Variants in CTNND2 observed in about 807,000 individuals in gnomAD.
CTNND2 encodes catenin delta-2.
CTNND2 carries 22 observed loss-of-function variants against 144.4 expected under a neutral mutation model. The ratio of observed to expected loss-of-function variants is 0.15; its 90% CI spans 0.11 to 0.22. CTNND2 has a LOEUF of 0.22. CTNND2 is among the 10% of genes least tolerant of loss of function. The probability of loss-of-function intolerance (pLI) is 1.00; values close to 1 mark genes in which losing one functional copy is unlikely to be tolerated. For synonymous variants in CTNND2, 751 were observed against 695.6 expected, an observed-to-expected ratio of 1.08 and a Z score of -1.25; for missense variants, 1,353 against 1,618.8, an observed-to-expected ratio of 0.84 and a Z score of 2.82.
At chr5:11,143,829 G>C (rs1756976973) in intron 12 of CTNND2, among the ~76,000 whole-genome samples, 1 of 152,248 alleles carries the variant, frequency 6.6e-6, no homozygotes, top group Non-Finnish European at 1.5e-5. Flanking sequence ...CAGGACCAGG[G>C]ACTGTGGGAG....
At chr5:11,296,713 C>T (rs1749059498) in intron 9 of CTNND2, among the ~76,000 whole-genome samples, 1 of 152,154 alleles carries the variant, frequency 6.6e-6, no homozygotes, top group African/African-American at 2.4e-5. Context: ...AACCATCATT[C>T]TCAGCAAACT....
intron 10 of CTNND2, among the ~76,000 whole-genome samples, chr5:11,233,392 G>A (rs1741261528): frequency 6.6e-6 from 1 of 152,206 alleles, no homozygotes; most frequent in South Asian, 2.1e-4. Flanking sequence ...TCTGCATATA[G>A]AAGATGTAGT....
At chr5:11,206,925 C>T (rs1738106101) in intron 10 of CTNND2, among the ~76,000 whole-genome samples, 1 of 152,170 alleles carries the variant, frequency 6.6e-6, no homozygotes, top group Non-Finnish European at 1.5e-5. Flanking sequence ...TGACTACTAT[C>T]CTATCTCTGC....
chr5:11,482,297 T>C (rs1768352157), intron 3 of CTNND2, among the ~76,000 whole-genome samples: 1 of 152,136 alleles, frequency 6.6e-6, no homozygotes, highest in Non-Finnish European at 1.5e-5. Context: ...ATCTGGATAG[T>C]GAGGTCTCCT....
At chr5:11,311,212 G>A (rs1375740486) in intron 9 of CTNND2, among the ~76,000 whole-genome samples, 1 of 131,050 alleles carries the variant, frequency 7.6e-6, no homozygotes, top group Non-Finnish European at 1.6e-5. Flanking sequence ...CACCCCACAT[G>A]CCCTCACACT....
intron 9 of CTNND2, among the ~76,000 whole-genome samples, chr5:11,307,285 C>G (rs754657376): frequency 2.0e-5 from 3 of 149,518 alleles, no homozygotes; most frequent in Admixed American, 1.3e-4. Context: ...AGATAATATC[C>G]AAACCACAAA....
chr5:11,506,068 G>A (rs1042943725), intron 3 of CTNND2, among the ~76,000 whole-genome samples: 12 of 152,028 alleles, frequency 7.9e-5, no homozygotes, highest in African/African-American at 2.4e-4. Flanking sequence ...GTCACAGCTC[G>A]GGACACTGCA....
At chr5:11,243,540 C>A (rs939764262) in intron 9 of CTNND2, among the ~76,000 whole-genome samples, 1 of 152,208 alleles carries the variant, frequency 6.6e-6, no homozygotes, top group African/African-American at 2.4e-5. Context: ...CCCACAGTAG[C>A]CAAACTCGTA....
intron 18 of CTNND2, among the ~76,000 whole-genome samples, chr5:11,011,716 T>C (rs764927249): frequency 5.9e-5 from 9 of 152,148 alleles, no homozygotes; most frequent in Non-Finnish European, 1.0e-4. Flanking sequence ...GCCTGGCTTG[T>C]CTTCCAGGCA....
At chr5:11,194,386 G>A (rs1186905076) in intron 11 of CTNND2, among the ~76,000 whole-genome samples, 5 of 152,112 alleles carry the variant, frequency 3.3e-5, no homozygotes, top group Non-Finnish European at 7.4e-5. Flanking sequence ...CCTTCCTCCA[G>A]GCCAACAAAC....
intron 16 of CTNND2, among the ~76,000 whole-genome samples, chr5:11,033,794 T>C (rs1464954463): frequency 6.6e-6 from 1 of 152,124 alleles, no homozygotes; most frequent in Non-Finnish European, 1.5e-5. Context: ...CATGCCACTG[T>C]ACTCCAGCCC....
At chr5:11,731,304 T>G (rs1787373027) in intron 2 of CTNND2, among the ~76,000 whole-genome samples, 1 of 152,216 alleles carries the variant, frequency 6.6e-6, no homozygotes, top group African/African-American at 2.4e-5. Flanking sequence ...CCCTTCTTCT[T>G]TTTGAATAGC....
At chr5:11,407,465 C>G (rs1761186065) in intron 5 of CTNND2, among the ~76,000 whole-genome samples, 2 of 152,190 alleles carry the variant, frequency 1.3e-5, no homozygotes, top group African/African-American at 4.8e-5. Flanking sequence ...CATAGCAGAG[C>G]AGTTACTGCT....
intron 2 of CTNND2, among the ~76,000 whole-genome samples, chr5:11,693,071 A>G (rs1355235035): frequency 6.6e-6 from 1 of 152,242 alleles, no homozygotes; most frequent in African/African-American, 2.4e-5. Flanking sequence ...TCAGAGTCCA[A>G]AAACCAAGAA....
chr5:11,553,108 T>C (rs1775909991), intron 3 of CTNND2, among the ~76,000 whole-genome samples: 1 of 152,222 alleles, frequency 6.6e-6, no homozygotes, highest in South Asian at 2.1e-4. Context: ...GACTTCTATA[T>C]ATTAATTTAT....
intron 3 of CTNND2, among the ~76,000 whole-genome samples, chr5:11,450,565 C>A (rs1406341667): frequency 6.6e-6 from 1 of 152,128 alleles, no homozygotes; most frequent in Non-Finnish European, 1.5e-5. Flanking sequence ...AGCTTTAAGA[C>A]AAAACAGGGG....
intron 2 of CTNND2, among the ~76,000 whole-genome samples, chr5:11,648,705 T>C (rs1285093541): frequency 6.6e-6 from 1 of 152,190 alleles, no homozygotes; most frequent in African/African-American, 2.4e-5. Flanking sequence ...CAAAATCTTC[T>C]AGCACCATGG....
At chr5:11,030,278 C>A (rs562860107) in intron 16 of CTNND2, among the ~76,000 whole-genome samples, 1 of 152,006 alleles carries the variant, frequency 6.6e-6, no homozygotes. Flanking sequence ...TATATTTATG[C>A]CTTTTGTTAA....
At chr5:11,153,961 A>C (rs1757983632) in intron 12 of CTNND2, among the ~76,000 whole-genome samples, 1 of 151,850 alleles carries the variant, frequency 6.6e-6, no homozygotes, top group East Asian at 1.9e-4. Context: ...CTAGATTAAA[A>C]GGTAAAAAAG....
Sources: gnomAD v4.1 joint callset for allele counts (sites outside exome capture counted in the v4.1 genomes callset) on GRCh38, gnomAD v4.1.1 for gene constraint, MANE v1.5 for transcripts, NCBI Gene and HGNC (gene_info 2026-07-23, HGNC 2026-07-21) for gene names.